Variants in SVEP1 observed in about 807,000 individuals in gnomAD.
The protein encoded by SVEP1 is sushi, von Willebrand factor type A, EGF and pentraxin domain-containing protein 1.
A neutral mutation model predicts 367.3 loss-of-function variants in SVEP1; 164 were observed. That is an observed-to-expected ratio of 0.45 (90% CI 0.39 to 0.51). The LOEUF is 0.51. Among genes scored for constraint, SVEP1 ranks in the 20% least tolerant of loss-of-function variants. SVEP1 has a pLI of 0.00. For synonymous variants in SVEP1, 1,666 were observed against 1,611.6 expected (o/e 1.03, Z -0.81); for missense variants, 4,117 against 4,425.3 (o/e 0.93, Z 1.98).
At chr9:110,547,090 C>T (rs180955800) in intron 2 of SVEP1, among the ~76,000 whole-genome samples, 18 of 152,260 alleles carry the variant, frequency 1.2e-4, no homozygotes, top group African/African-American at 3.4e-4. Flanking sequence ...GCAAGACACA[C>T]GGGCTGCAAT....
chr9:110,554,208 C>T (rs1046398152), intron 1 of SVEP1, among the ~76,000 whole-genome samples: 1 of 152,080 alleles, frequency 6.6e-6, no homozygotes, highest in African/African-American at 2.4e-5. Flanking sequence ...AAGTCTACCA[C>T]CTTTTTTTCT....
At chr9:110,386,198 A>ATG in intron 42 of SVEP1, 124 bp from the exon 43 acceptor site, 1 of 1,015,570 alleles carries the variant, frequency 9.8e-7, no homozygotes, top group Non-Finnish European at 1.4e-6. Flanking sequence ...AGGTTTAAAA[A>ATG]TATGGAACTC....
intron 17 of SVEP1, among the ~76,000 whole-genome samples, chr9:110,466,625 G>C (rs1350650327): frequency 6.6e-6 from 1 of 150,384 alleles, no homozygotes; most frequent in Non-Finnish European, 1.5e-5. Flanking sequence ...GCCGGGCGTA[G>C]TGGCGGGCGC....
At chr9:110,383,803 G>C (rs1048828068) in intron 43 of SVEP1, among the ~76,000 whole-genome samples, 1 of 152,022 alleles carries the variant, frequency 6.6e-6, no homozygotes, top group Non-Finnish European at 1.5e-5. Flanking sequence ...CCTGGCTGGA[G>C]TTGCTGAAAT....
intron 3 of SVEP1, among the ~76,000 whole-genome samples, chr9:110,534,009 G>A (rs1047820731): frequency 2.0e-5 from 3 of 152,136 alleles, no homozygotes; most frequent in South Asian, 2.1e-4. Flanking sequence ...TGGGTCTGCA[G>A]GCTAAGTCCA....
At chr9:110,504,339 C>T (rs749804744) in intron 5 of SVEP1, among the ~76,000 whole-genome samples, 8 of 152,138 alleles carry the variant, frequency 5.3e-5, no homozygotes, top group South Asian at 2.1e-4. Flanking sequence ...GGATTACAGG[C>T]GTGAGCCACC....
At chr9:110,386,776 C>T (rs73655335) in intron 42 of SVEP1, among the ~76,000 whole-genome samples, 5,503 of 152,302 alleles carry the variant, frequency 0.036, 336 homozygotes, top group African/African-American at 0.12. Context: ...GGTACACTTC[C>T]GCTGTTACTA....
rs1291127477 is a variant in SVEP1 at position 110,451,418 on chromosome 9, C to G, written c.3788-16G>C. 9 of 1,597,962 alleles carry G rather than the reference C, an allele frequency of 5.6e-6. No homozygotes were observed. Among genetic ancestry groups the G allele is most frequent in the Non-Finnish European group, 7.7e-6 (9 of 1,167,556 alleles). ...CACCGCTGACCTGCAAAGAATCATT[C>G]ATCTTTGAGCTGGAGAAAACTTGAC... On this transcript the variant is annotated splice_polypyrimidine_tract_variant and intron_variant, in intron 22 of 47. Coordinates refer to ENST00000374469, the MANE Select transcript of SVEP1 (RefSeq NM_153366.4).
In SVEP1 at chr9:110,406,328, C is replaced by T. The variant is rs897490685; in HGVS notation, c.9272G>A (p.Arg3091Lys). The T allele has an allele frequency of 4.3e-6, 7 of 1,613,972 alleles. No homozygotes were observed. Among genetic ancestry groups the T allele is most frequent in the Non-Finnish European group, 5.9e-6 (7 of 1,179,922 alleles). Reference protein sequence around the residue: ...WKENVITYSCRSGYVIQGSSD... With the variant: ...WKENVITYSCKSGYVIQGSSD... The stretch of plus-strand genomic sequence containing the variant: ...ACTGCCTTGTATGACATATCCAGAC[C>T]TGCAGCTGTAAGTTATCACATTTTC... Residue 3091 changes from arginine to lysine, a missense_variant, in exon 38 of 48, where the codon AGG (arginine) becomes AAG (lysine). Around this residue, in one of 4 missense-constraint regions of SVEP1, gnomAD observed 1,765 missense variants for 1,781.1 expected, o/e 0.99. Coordinates refer to ENST00000374469, the MANE Select transcript of SVEP1 (RefSeq NM_153366.4).
rs1828931119 is a variant in SVEP1 at position 110,465,996 on chromosome 9, C to T, written c.3191G>A (p.Ser1064Asn). Residue 1064 changes from serine (S) to asparagine (N), a missense_variant, in exon 18 of 48, where the codon AGT becomes AAT. Coordinates refer to ENST00000374469, the MANE Select transcript of SVEP1 (RefSeq NM_153366.4). ...ACACGATTCACAAGTCTCAAGTCCACTGTATGAGTAGGTGCCTTGTTTACA... is the reference window on the plus strand; with the variant it reads ...ACACGATTCACAAGTCTCAAGTCCATTGTATGAGTAGGTGCCTTGTTTACA... ...AQCKQGTYSY[S>N]GLETCESCPL... 6 of 1,613,616 alleles carry T rather than the reference C, an allele frequency of 3.7e-6. No homozygotes were observed. The highest frequency in any genetic ancestry group is 5.1e-6 in the Non-Finnish European group (6 of 1,179,730).
At chr9:110,371,761 G>T (rs145129953) in intron 46 of SVEP1, among the ~76,000 whole-genome samples, 1 of 152,150 alleles carries the variant, frequency 6.6e-6, no homozygotes, top group Non-Finnish European at 1.5e-5. Flanking sequence ...ACCAAGTAGC[G>T]TTGATTCTTA....
chr9:110,465,816 T>C (rs10980400), intron 18 of SVEP1, 49 bp downstream of exon 18: 259,958 of 1,575,542 alleles, frequency 0.16, 22,588 homozygotes, highest in South Asian at 0.22. Flanking sequence ...CCTTCATGCA[T>C]AGAACCTAGT....
intron 8 of SVEP1, among the ~76,000 whole-genome samples, chr9:110,490,908 T>C (rs1415641881): frequency 7.9e-5 from 12 of 152,026 alleles, no homozygotes; most frequent in Admixed American, 7.2e-4. Context: ...CCATTGAAAA[T>C]TGATAAATTT....
At chr9:110,556,247 T>C (rs1167755328) in intron 1 of SVEP1, among the ~76,000 whole-genome samples, 1 of 152,110 alleles carries the variant, frequency 6.6e-6, no homozygotes, top group Non-Finnish European at 1.5e-5. Context: ...TCCATCACCA[T>C]TACACAAGAC....
intron 47 of SVEP1, among the ~76,000 whole-genome samples, chr9:110,367,017 T>C (rs1054974667): frequency 6.6e-6 from 1 of 152,240 alleles, no homozygotes; most frequent in African/African-American, 2.4e-5. Context: ...CAGTCTTATT[T>C]ATCAGTAGAG....
At position 110,503,035 on chromosome 9, in the gene SVEP1, T is replaced by C. The variant is rs369896121; in HGVS notation, c.1483+3A>G. The stretch of plus-strand genomic sequence containing the variant: ...CAAGGCATTACACCTTCTAGAAACT[T>C]ACCCACACACCGGGGTTCTGGCCCA... On this transcript the variant is annotated splice_donor_region_variant and intron_variant, in intron 6 of 47. Coordinates refer to ENST00000374469, the MANE Select transcript of SVEP1 (RefSeq NM_153366.4). 3.7e-5 allele frequency: 59 copies of C among 1,609,448 alleles called. No homozygotes were observed. In the African/African-American group the frequency reaches 7.4e-4, roughly 20 times the overall value.
At chr9:110,486,872 T>C (rs1289690477) in intron 9 of SVEP1, among the ~76,000 whole-genome samples, 1 of 151,946 alleles carries the variant, frequency 6.6e-6, no homozygotes, top group Non-Finnish European at 1.5e-5. Context: ...CTCGAGCTCC[T>C]GACCTCAGGT....
intron 43 of SVEP1, among the ~76,000 whole-genome samples, chr9:110,380,488 TTA>T (rs1371454472): frequency 9.9e-5 from 15 of 152,278 alleles, no homozygotes; most frequent in South Asian, 8.3e-4. Context: ...AATAAATGAA[TTA>T]TGTTTATTGA....
intron 16 of SVEP1, among the ~76,000 whole-genome samples, chr9:110,470,646 G>A (rs1829001363): frequency 6.6e-6 from 1 of 151,906 alleles, no homozygotes; most frequent in Non-Finnish European, 1.5e-5. Context: ...ATGTTGCCCA[G>A]GCTGGTCTCG....
Sources: gnomAD v4.1 joint callset for allele counts (sites outside exome capture counted in the v4.1 genomes callset) on GRCh38, gnomAD v4.1.1 for gene constraint, gnomAD v4.1.1 regional missense constraint, MANE v1.5 for transcripts, NCBI Gene and HGNC (gene_info 2026-07-23, HGNC 2026-07-21) for gene names.